Variants in PCMTD1 observed in about 807,000 individuals in gnomAD.
PCMTD1 encodes the protein protein-L-isoaspartate (D-aspartate) O-methyltransferase domain containing 1.
PCMTD1 carries 12 observed loss-of-function variants against 37.6 expected under a neutral mutation model. The ratio of observed to expected loss-of-function variants is 0.32; its 90% confidence interval spans 0.20 to 0.52. PCMTD1 has a LOEUF of 0.52. Ranked by LOEUF, PCMTD1 falls within the 20% of genes least tolerant of loss-of-function variation. The pLI is 0.97. For synonymous variants in PCMTD1, 117 were observed against 135.8 expected (o/e 0.86, Z 0.96); for missense variants, 235 against 421.3 (o/e 0.56, Z 3.87).
intron 3 of PCMTD1, among the ~76,000 whole-genome samples, chr8:51,840,791 A>C (rs2038137007): frequency 1.3e-5 from 2 of 152,136 alleles, no homozygotes; most frequent in African/African-American, 2.4e-5. Flanking sequence ...TTATACCTCA[A>C]CCAAATATGA....
intron 1 of PCMTD1, among the ~76,000 whole-genome samples, chr8:51,873,077 C>T (rs889665828): frequency 1.3e-5 from 2 of 152,126 alleles, no homozygotes; most frequent in African/African-American, 4.8e-5. Flanking sequence ...ATTTTATCTA[C>T]GGATGAACAC....
At chr8:51,887,155 G>A (rs1014808553) in intron 1 of PCMTD1, among the ~76,000 whole-genome samples, 1 of 152,114 alleles carries the variant, frequency 6.6e-6, no homozygotes, top group African/African-American at 2.4e-5. Flanking sequence ...AAACTGATTA[G>A]CAACTTTAAT....
At chr8:51,853,293 A>C (rs555034565) in intron 2 of PCMTD1, among the ~76,000 whole-genome samples, 3 of 152,316 alleles carry the variant, frequency 2.0e-5, no homozygotes, top group Admixed American at 2.0e-4. Flanking sequence ...GAACTCCAGC[A>C]GACCAAGCAG....
At chr8:51,855,186 A>C (rs60808965) in intron 2 of PCMTD1, among the ~76,000 whole-genome samples, 40,720 of 136,624 alleles carry the variant, frequency 0.3, 7,122 homozygotes, top group East Asian at 0.49. Context: ...AAAAAAAAAA[A>C]AAACAAACAA....
At chr8:51,858,736 TCTTAA>T (rs2038428029) in intron 2 of PCMTD1, among the ~76,000 whole-genome samples, 1 of 152,196 alleles carries the variant, frequency 6.6e-6, no homozygotes, top group African/African-American at 2.4e-5. Flanking sequence ...TATATCTTGG[TCTTAA>T]CTTAGCAGGA....
chr8:51,826,954 G>A (rs2037929713), intron 5 of PCMTD1: 2 of 902,366 alleles, frequency 2.2e-6, no homozygotes, highest in Non-Finnish European at 1.3e-6. Flanking sequence ...TGTTTAATAT[G>A]AGCAACTTGA....
intron 4 of PCMTD1, among the ~76,000 whole-genome samples, chr8:51,832,007 C>T (rs2038004985): frequency 6.6e-6 from 1 of 152,174 alleles, no homozygotes; most frequent in African/African-American, 2.4e-5. Flanking sequence ...TAATTCGACC[C>T]CCAACTTGAT....
intron 3 of PCMTD1, among the ~76,000 whole-genome samples, chr8:51,842,851 AG>A (rs1329665714): frequency 6.6e-6 from 1 of 152,176 alleles, no homozygotes. Flanking sequence ...GAAGAATATT[AG>A]GTTTCAGCTA....
Position 51,817,696 on chromosome 8 carries a change from TTTTA to T in PCMTD1, c.*2651_*2654del, listed in dbSNP as rs2037778664. ...GCTATAAATCAACACACTTTTTGTA[TTTTA>T]TTTTACTACTATGTATGCTATTTTA... On this transcript the variant is annotated 3_prime_UTR_variant, in exon 6 of 6. Transcript: ENST00000522514. 7.1e-6 allele frequency: 2 copies of T among 280,598 alleles called. No homozygotes were observed. The highest frequency in any genetic ancestry group is 4.8e-5 in the Admixed American group (1 of 20,792). 17.4% of individuals were successfully genotyped at this position (280,598 alleles called of 1,614,324 possible). A position where few individuals can be genotyped will look rare whatever the true frequency, so the allele number is the denominator to read the frequency against.
chr8:51,866,451 T>TG (rs952808748), intron 1 of PCMTD1, among the ~76,000 whole-genome samples: 11 of 151,866 alleles, frequency 7.2e-5, no homozygotes, highest in African/African-American at 2.7e-4. Context: ...TCAAAGTAGA[T>TG]GGAGAGACCA....
intron 5 of PCMTD1, among the ~76,000 whole-genome samples, chr8:51,824,868 A>G (rs908538814): frequency 6.6e-6 from 1 of 152,204 alleles, no homozygotes; most frequent in African/African-American, 2.4e-5. Context: ...GGAAGAGAAC[A>G]GAGACCTCAG....
chr8:51,825,813 AT>A (rs2037913385), intron 5 of PCMTD1, among the ~76,000 whole-genome samples: 1 of 152,108 alleles, frequency 6.6e-6, no homozygotes, highest in Non-Finnish European at 1.5e-5. Context: ...ATGAAATGCC[AT>A]TTCACACCAA....
intron 2 of PCMTD1, among the ~76,000 whole-genome samples, chr8:51,847,863 A>G (rs2038244826): frequency 6.6e-6 from 1 of 152,064 alleles, no homozygotes; most frequent in East Asian, 1.9e-4. Context: ...GGATTGCTTG[A>G]GCCTAGGACT....
At chr8:51,841,644 C>A (rs2038148377) in intron 3 of PCMTD1, among the ~76,000 whole-genome samples, 2 of 148,566 alleles carry the variant, frequency 1.3e-5, no homozygotes, top group Non-Finnish European at 3.0e-5. Context: ...ACTTCAGGCT[C>A]CTTTAACATA....
chr8:51,833,071 C>G (rs2038018844), intron 4 of PCMTD1, among the ~76,000 whole-genome samples: 1 of 152,174 alleles, frequency 6.6e-6, no homozygotes, highest in Admixed American at 6.5e-5. Context: ...TCTTGAACTC[C>G]TGGGCTCAAG....
intron 1 of PCMTD1, among the ~76,000 whole-genome samples, chr8:51,886,693 T>G (rs541482426): frequency 6.6e-6 from 1 of 152,340 alleles, no homozygotes; most frequent in Admixed American, 6.5e-5. Context: ...GGAGAGGCTG[T>G]TTAGAAATCA....
At chr8:51,821,231 C>T (rs897776938) in intron 5 of PCMTD1, among the ~76,000 whole-genome samples, 1 of 152,188 alleles carries the variant, frequency 6.6e-6, no homozygotes, top group African/African-American at 2.4e-5. Context: ...CCTCAACCAC[C>T]CAGGCTCAGG....
In PCMTD1 at chr8:51,898,973, G is replaced by C. The variant is rs770585531; in HGVS notation, c.-139C>G. The C allele has an allele frequency of 6.7e-7, 1 of 1,493,100 alleles. No homozygotes were observed. Among genetic ancestry groups the C allele is most frequent in the South Asian group, 1.3e-5 (1 of 78,810 alleles). The allele number at this position is 1,493,100 out of a possible 1,614,324, so 92.5% of individuals were successfully genotyped here. ...CGCGCAGGCCAGGCGCTAGGACTCGGCGGGGTCCGCAGCAGCCAGACGCCG... is the reference window on the plus strand; with the variant it reads ...CGCGCAGGCCAGGCGCTAGGACTCGCCGGGGTCCGCAGCAGCCAGACGCCG... On this transcript the variant is annotated 5_prime_UTR_variant, in exon 1 of 6. Coordinates refer to ENST00000522514, the MANE Select transcript of PCMTD1 (RefSeq NM_052937.4).
intron 1 of PCMTD1, among the ~76,000 whole-genome samples, chr8:51,887,356 CCCAAAT>C (rs2038878593): frequency 6.6e-6 from 1 of 152,098 alleles, no homozygotes; most frequent in South Asian, 2.1e-4. Flanking sequence ...ATACCGGCAG[CCCAAAT>C]CCATCCCTTC....
Sources: gnomAD v4.1 joint callset for allele counts (sites outside exome capture counted in the v4.1 genomes callset) on GRCh38, gnomAD v4.1.1 for gene constraint, MANE v1.5 for transcripts, NCBI Gene and HGNC (gene_info 2026-07-23, HGNC 2026-07-21) for gene names.